Variants in PLCL1 observed in about 807,000 individuals in gnomAD.
PLCL1 encodes phospholipase C like 1 (inactive).
Under a neutral mutation model 84.4 loss-of-function variants are expected in PLCL1, and 41 were observed. That is an observed-to-expected ratio of 0.49 (90% CI 0.38 to 0.63). The LOEUF (loss-of-function observed/expected upper bound fraction) is 0.63. PLCL1 is among the 30% of genes least tolerant of loss of function. The probability of loss-of-function intolerance (pLI) is 0.00; values close to 1 mark genes in which losing one functional copy is unlikely to be tolerated. For missense variants in PLCL1, 1,206 were observed against 1,367.8 expected (o/e 0.88, Z 1.87); for synonymous variants, 490 against 488.3 (o/e 1.00, Z -0.05).
At chr2:197,808,197 T>C (rs1431348406) in intron 1 of PLCL1, among the ~76,000 whole-genome samples, 3 of 152,222 alleles carry the variant, frequency 2.0e-5, no homozygotes, top group East Asian at 3.8e-4. Context: ...AGCATTGACA[T>C]TGATAAATGC....
In PLCL1 at chr2:198,051,120, G is replaced by A. The variant is rs564229991; in HGVS notation, c.241-32638G>A. On this transcript the variant is annotated intron_variant, in intron 1 of 5. Coordinates refer to ENST00000428675, the MANE Select transcript of PLCL1 (RefSeq NM_006226.4). ...AATGAAGTCAAATTGAAGGGTCAGAGATACAAGAAAATTATAAGGAGAACA... is the reference window on the plus strand; with the variant it reads ...AATGAAGTCAAATTGAAGGGTCAGAAATACAAGAAAATTATAAGGAGAACA... 2.0e-5 allele frequency among the ~76,000 whole-genome samples: 3 copies of A among 152,254 alleles called. No homozygotes were observed. The South Asian group carries it at 6.2e-4, about 32-fold the overall frequency.
chr2:197,845,535 G>C (rs1383625142), intron 1 of PLCL1, among the ~76,000 whole-genome samples: 3 of 152,048 alleles, frequency 2.0e-5, no homozygotes, highest in Non-Finnish European at 2.9e-5. Flanking sequence ...TGAGGACGTG[G>C]TCAGCCTTTT....
At chr2:198,144,738 T>G (rs1024256410) in intron 5 of PLCL1, among the ~76,000 whole-genome samples, 1 of 152,234 alleles carries the variant, frequency 6.6e-6, no homozygotes, top group African/African-American at 2.4e-5. Context: ...TTCCTGATTC[T>G]GGATGCTATC....
chr2:198,066,281 T>C (rs555473467), intron 1 of PLCL1, among the ~76,000 whole-genome samples: 68 of 152,338 alleles, frequency 4.5e-4, no homozygotes, highest in African/African-American at 1.6e-3. Flanking sequence ...GGGTTTATCT[T>C]AGGATCTAGT....
chr2:198,010,598 A>T (rs1690843706), intron 1 of PLCL1, among the ~76,000 whole-genome samples: 1 of 151,926 alleles, frequency 6.6e-6, no homozygotes, highest in South Asian at 2.1e-4. Flanking sequence ...TTCATCAGAC[A>T]TATTGGTCTA....
intron 1 of PLCL1, among the ~76,000 whole-genome samples, chr2:198,060,115 A>G (rs940085925): frequency 1.3e-5 from 2 of 152,066 alleles, no homozygotes; most frequent in Non-Finnish European, 2.9e-5. Flanking sequence ...AAAGACCACT[A>G]GTTGGCTCTT....
At chr2:198,094,700 T>A (rs1693147361) in intron 3 of PLCL1, among the ~76,000 whole-genome samples, 1 of 152,178 alleles carries the variant, frequency 6.6e-6, no homozygotes, top group Admixed American at 6.5e-5. Flanking sequence ...TAGCAGATCC[T>A]GTTCTACAAG....
At chr2:197,902,843 C>A (rs1688294809) in intron 1 of PLCL1, among the ~76,000 whole-genome samples, 1 of 152,128 alleles carries the variant, frequency 6.6e-6, no homozygotes. Context: ...GATTTCCCAG[C>A]CCAGGTTTTC....
intron 5 of PLCL1, among the ~76,000 whole-genome samples, chr2:198,121,607 G>A (rs1455916611): frequency 1.3e-5 from 2 of 151,984 alleles, no homozygotes; most frequent in Non-Finnish European, 2.9e-5. Context: ...TCGAAAATGA[G>A]TTTACTGTAG....
At chr2:198,046,659 A>G (rs867872957) in intron 1 of PLCL1, among the ~76,000 whole-genome samples, 1 of 151,976 alleles carries the variant, frequency 6.6e-6, no homozygotes, top group Non-Finnish European at 1.5e-5. Context: ...GCAACGTGGT[A>G]AAATCCTGTC....
chr2:198,096,904 G>A (rs1287509602), intron 3 of PLCL1, among the ~76,000 whole-genome samples: 1 of 152,150 alleles, frequency 6.6e-6, no homozygotes, highest in African/African-American at 2.4e-5. Context: ...AATACATTCT[G>A]TTATATCAGT....
chr2:198,128,219 A>C (rs1338122426), intron 5 of PLCL1, among the ~76,000 whole-genome samples: 3 of 152,160 alleles, frequency 2.0e-5, no homozygotes, highest in Non-Finnish European at 2.9e-5. Context: ...AAAAATTCCA[A>C]AAAGCTAGTT....
At chr2:197,981,886 C>T (rs1360606072) in intron 1 of PLCL1, among the ~76,000 whole-genome samples, 1 of 152,110 alleles carries the variant, frequency 6.6e-6, no homozygotes, top group Non-Finnish European at 1.5e-5. Flanking sequence ...AAAGTCACAA[C>T]CTAGAAGGGA....
At chr2:198,003,233 T>G (rs762330530) in intron 1 of PLCL1, among the ~76,000 whole-genome samples, 4 of 152,210 alleles carry the variant, frequency 2.6e-5, no homozygotes, top group African/African-American at 9.7e-5. Flanking sequence ...AAGACTACTT[T>G]ACAATTTTTT....
intron 1 of PLCL1, among the ~76,000 whole-genome samples, chr2:197,963,931 T>G (rs1330040601): frequency 6.6e-6 from 1 of 152,182 alleles, no homozygotes; most frequent in Non-Finnish European, 1.5e-5. Flanking sequence ...GGTTCTCTAT[T>G]CTGTTCCATT....
At chr2:198,074,833 G>A (rs982659013) in intron 1 of PLCL1, among the ~76,000 whole-genome samples, 1 of 152,158 alleles carries the variant, frequency 6.6e-6, no homozygotes, top group Non-Finnish European at 1.5e-5. Context: ...TTAAGTAAAT[G>A]TGCAACATTA....
intron 5 of PLCL1, among the ~76,000 whole-genome samples, chr2:198,121,137 C>G (rs553726522): frequency 6.6e-6 from 1 of 152,000 alleles, no homozygotes; most frequent in Admixed American, 6.6e-5. Context: ...CTTTTCAGAT[C>G]TTTTGCCCAG....
At chr2:198,008,676 A>G (rs139202030) in intron 1 of PLCL1, among the ~76,000 whole-genome samples, 2 of 152,120 alleles carry the variant, frequency 1.3e-5, no homozygotes, top group Non-Finnish European at 1.5e-5. Context: ...GTGTCCAAGT[A>G]TCTCTTCAAG....
intron 1 of PLCL1, among the ~76,000 whole-genome samples, chr2:198,073,006 AT>A (rs1330832496): frequency 2.0e-5 from 3 of 152,088 alleles, no homozygotes; most frequent in Non-Finnish European, 4.4e-5. Context: ...TAGGAATTAT[AT>A]TTTTTTGACA....
Sources: gnomAD v4.1 joint callset for allele counts (sites outside exome capture counted in the v4.1 genomes callset) on GRCh38, gnomAD v4.1.1 for gene constraint, MANE v1.5 for transcripts, NCBI Gene and HGNC (gene_info 2026-07-23, HGNC 2026-07-21) for gene names.